STK40: variants seen among roughly 807,000 people sequenced by gnomAD.
STK40 encodes the protein serine/threonine-protein kinase 40.
In STK40, 13 loss-of-function variants were observed where a neutral mutation model predicts 47.9. The observed-to-expected ratio is 0.27, with a 90% CI of 0.18 to 0.43. The LOEUF is 0.43. Among genes scored for constraint, STK40 ranks in the 20% least tolerant of loss-of-function variants. The pLI is 1.00. For synonymous variants in STK40, 225 were observed against 243.2 expected (o/e 0.93, Z 0.69); for missense variants, 460 against 595.1 (o/e 0.77, Z 2.36).
intron 1 of STK40, among the ~76,000 whole-genome samples, chr1:36,383,731 T>C (rs974558777): frequency 6.6e-5 from 10 of 152,248 alleles, no homozygotes; most frequent in Admixed American, 6.5e-4. Context: ...CATTCTTTCA[T>C]GAACCTATAC....
intron 1 of STK40, among the ~76,000 whole-genome samples, chr1:36,382,362 T>C (rs1647047029): frequency 6.6e-6 from 1 of 152,192 alleles, no homozygotes; most frequent in African/African-American, 2.4e-5. Context: ...GTATTTTTTG[T>C]AGAGACGGGT....
At chr1:36,381,595 C>T (rs1291009157) in intron 1 of STK40, among the ~76,000 whole-genome samples, 1 of 152,188 alleles carries the variant, frequency 6.6e-6, no homozygotes, top group Non-Finnish European at 1.5e-5. Flanking sequence ...GATCCTCCCA[C>T]TTCAGCCTTC....
chr1:36,343,813 G>A, intron 9 of STK40, 47 bp downstream of exon 9: 1 of 1,532,208 alleles, frequency 6.5e-7, no homozygotes, highest in Non-Finnish European at 8.8e-7. Context: ...ATGGGCAGAG[G>A]CCCTGAGGAC....
intron 1 of STK40, among the ~76,000 whole-genome samples, chr1:36,361,598 C>T (rs2124739607): frequency 6.6e-6 from 1 of 152,250 alleles, no homozygotes; most frequent in South Asian, 2.1e-4. Context: ...GCCAACACAC[C>T]ACCACCAAGT....
chr1:36,367,182 C>T (rs767602011), intron 1 of STK40, among the ~76,000 whole-genome samples: 4 of 152,054 alleles, frequency 2.6e-5, no homozygotes, highest in Admixed American at 1.3e-4. Flanking sequence ...AAGTCAGCAC[C>T]AGTCCCCTTA....
chr1:36,353,125 A>T lies in STK40; in HGVS notation c.623+1239T>A, dbSNP rs904050943. On this transcript the variant is annotated intron_variant, in intron 6 of 10. Transcript: ENST00000373132. The stretch of plus-strand genomic sequence containing the variant: ...GCCCTTCCTGGGCTGGGCTGGCCAC[A>T]TCATGGAATGAATCACCCACCACAA... Among the ~76,000 whole-genome samples, 3 of 152,338 alleles carry T rather than the reference A, an allele frequency of 2.0e-5. No individual in the cohort carries two copies. In the South Asian group the frequency reaches 6.2e-4, roughly 32 times the overall value.
At chr1:36,367,575 G>A (rs1646913258) in intron 1 of STK40, among the ~76,000 whole-genome samples, 1 of 152,188 alleles carries the variant, frequency 6.6e-6, no homozygotes, top group Non-Finnish European at 1.5e-5. Context: ...GAGTCCAGTG[G>A]TATAGTGTGA....
At chr1:36,356,033 C>A (rs1241178225) in intron 4 of STK40, among the ~76,000 whole-genome samples, 1 of 152,110 alleles carries the variant, frequency 6.6e-6, no homozygotes, top group Non-Finnish European at 1.5e-5. Flanking sequence ...TGGGTTCAGG[C>A]CCCAGCCACC....
intron 1 of STK40, among the ~76,000 whole-genome samples, chr1:36,374,390 A>C (rs1646974515): frequency 6.6e-6 from 1 of 152,240 alleles, no homozygotes; most frequent in Admixed American, 6.5e-5. Context: ...CTTTCTCTGC[A>C]GGCTCTCCTG....
chr1:36,349,028 T>C (rs922454694), intron 6 of STK40, among the ~76,000 whole-genome samples: 1 of 152,202 alleles, frequency 6.6e-6, no homozygotes, highest in African/African-American at 2.4e-5. Flanking sequence ...AGCCGAGCTG[T>C]CCCAGCAGGG....
chr1:36,378,267 G>A (rs1647008855), intron 1 of STK40, among the ~76,000 whole-genome samples: 3 of 152,278 alleles, frequency 2.0e-5, no homozygotes, highest in Non-Finnish European at 1.5e-5. Flanking sequence ...ATGGAGGAAG[G>A]GAACATGGGC....
intron 1 of STK40, among the ~76,000 whole-genome samples, chr1:36,375,791 C>T (rs1170437357): frequency 9.2e-5 from 14 of 152,244 alleles, no homozygotes; most frequent in South Asian, 2.1e-4. Context: ...GAGGCTGAGG[C>T]GGGTGGATCA....
chr1:36,383,034 C>T (rs1016954994), intron 1 of STK40, among the ~76,000 whole-genome samples: 1 of 152,144 alleles, frequency 6.6e-6, no homozygotes, highest in African/African-American at 2.4e-5. Flanking sequence ...CCGCAACCTC[C>T]GCCTCCCAGG....
chr1:36,369,274 C>A (rs562931510), intron 1 of STK40, among the ~76,000 whole-genome samples: 156 of 152,244 alleles, frequency 1.0e-3, no homozygotes, highest in Non-Finnish European at 1.6e-3. Flanking sequence ...TGGGGCCCTG[C>A]TCTCCTCAGG....
At chr1:36,356,290 C>T (rs533497529) in intron 4 of STK40, among the ~76,000 whole-genome samples, 4 of 152,164 alleles carry the variant, frequency 2.6e-5, no homozygotes, top group South Asian at 2.1e-4. Flanking sequence ...AAAGGTATTT[C>T]GAGTAAGACA....
At chr1:36,382,719 A>T (rs1224612888) in intron 1 of STK40, among the ~76,000 whole-genome samples, 1 of 152,196 alleles carries the variant, frequency 6.6e-6, no homozygotes, top group Non-Finnish European at 1.5e-5. Context: ...GCTGCAACTA[A>T]TTCCTAAAAG....
chr1:36,344,056 C>A, intron 8 of STK40, 64 bp downstream of exon 8: 1 of 1,588,724 alleles, frequency 6.3e-7, no homozygotes, highest in South Asian at 1.1e-5. Flanking sequence ...CTCACTGTGC[C>A]GTTTCCCTGC....
At chr1:36,363,310 C>A (rs1460588887) in intron 1 of STK40, among the ~76,000 whole-genome samples, 1 of 151,978 alleles carries the variant, frequency 6.6e-6, no homozygotes, top group Non-Finnish European at 1.5e-5. Flanking sequence ...TTAAAACAAA[C>A]AAAAACCATT....
At chr1:36,382,951 A>G (rs901933738) in intron 1 of STK40, among the ~76,000 whole-genome samples, 14 of 152,146 alleles carry the variant, frequency 9.2e-5, no homozygotes, top group African/African-American at 3.4e-4. Flanking sequence ...GCAGAGCCAA[A>G]TAAGCTTTTT....
Sources: gnomAD v4.1 joint callset for allele counts (sites outside exome capture counted in the v4.1 genomes callset) on GRCh38, gnomAD v4.1.1 for gene constraint, MANE v1.5 for transcripts, NCBI Gene and HGNC (gene_info 2026-07-23, HGNC 2026-07-21) for gene names.